Variants in CDHR5 observed in about 807,000 individuals in gnomAD.
CDHR5 encodes the protein cadherin-related family member 5.
CDHR5 carries 82 observed loss-of-function variants against 69.5 expected under a neutral mutation model. That is an observed-to-expected ratio of 1.18 (90% confidence interval 0.99 to 1.42). The LOEUF (loss-of-function observed/expected upper bound fraction) is 1.42. Ranked by LOEUF, CDHR5 falls within the 40% of genes most tolerant of loss-of-function variation. The pLI is 0.00. For synonymous variants in CDHR5, 601 were observed against 510.2 expected (o/e 1.18, Z -2.40); for missense variants, 1,293 against 1,168.9 (o/e 1.11, Z -1.55).
At position 621,015 on chromosome 11, in the gene CDHR5, G is replaced by A; in HGVS notation, c.789+65C>T. On this transcript the variant is annotated intron_variant, in intron 7 of 14. Coordinates refer to ENST00000397542, the MANE Select transcript of CDHR5 (RefSeq NM_021924.5). This position sits in a 1 kb window ranked among gnomAD's most constrained non-coding sequence, Gnocchi z 4.4. ...CCCCGCCCTTCCTCTCCTGATCCTG[G>A]CCGTCCCTGTGTCCAGCCTGCCTAG... The A allele has an allele frequency of 8.0e-7, 1 of 1,251,878 alleles. No individual in the cohort carries two copies. The highest frequency in any genetic ancestry group is 1.7e-5 in the South Asian group (1 of 58,912). 77.5% of individuals were successfully genotyped at this position (1,251,878 alleles called of 1,614,324 possible).
Position 624,780 on chromosome 11 carries a change from C to G in CDHR5, c.85+38G>C, listed in dbSNP as rs1341191768. 15 of 1,604,722 alleles carry G rather than the reference C, an allele frequency of 9.3e-6. No homozygotes were observed. Among genetic ancestry groups the G allele is most frequent in the Non-Finnish European group, 1.2e-5 (14 of 1,174,336 alleles). ...TCAGTGCCTCCCAGCCCCTGGCTCC[C>G]CGCCGCCCGTGCCCCACCTACCCCT... is the stretch of plus-strand genomic sequence containing the variant. On this transcript the variant is annotated intron_variant, in intron 1 of 14. Coordinates refer to ENST00000397542, the MANE Select transcript of CDHR5 (RefSeq NM_021924.5). The surrounding 1 kb of genome is among the most constrained non-coding windows in gnomAD (Gnocchi z 5.3).
rs780540410 is a variant in CDHR5, at chr11:619,726, G to A, written c.1134C>T (p.Ala378=). The change falls in exon 10 of 15, where the codon GCC becomes GCT. Residue 378 remains alanine, a synonymous_variant. Coordinates refer to ENST00000397542, the MANE Select transcript of CDHR5 (RefSeq NM_021924.5). ...CCTGGATCCTCAGAGGCTGAGAAGG[G>A]GCAGCTGCATCCTTGACCACAACGC... The part of the protein sequence containing the change: ...GAGVVVKDAA[A]PSQPLRIQAQ... 1.2e-6 allele frequency: 2 copies of A among 1,612,896 alleles called. No homozygotes were observed. Among genetic ancestry groups the A allele is most frequent in the Non-Finnish European group, 1.7e-6 (2 of 1,179,980 alleles).
rs774514426 is a variant in CDHR5 at position 621,920 on chromosome 11, G to A, written c.313-16C>T. ...GCTGGGTCACCTGCAGGATGTGGCC[G>A]TCAGCCTCTCCCACAGCCCCTCCCC... On this transcript the variant is annotated splice_polypyrimidine_tract_variant and intron_variant, in intron 3 of 14. Transcript: ENST00000397542. The surrounding 1 kb of genome is among the most constrained non-coding windows in gnomAD (Gnocchi z 4.4). 7 of 1,600,550 alleles carry A rather than the reference G, an allele frequency of 4.4e-6. No homozygotes were observed. In the Admixed American group the frequency reaches 5.0e-5, roughly 12 times the overall value.
rs1198415550 is a variant in CDHR5, at chr11:619,813, C to T, written c.1047G>A (p.Gly349=). 1 of 1,584,650 alleles carries T rather than the reference C, an allele frequency of 6.3e-7. No individual in the cohort carries two copies. The highest frequency in any genetic ancestry group is 8.6e-7 in the Non-Finnish European group (1 of 1,169,040). The change falls in exon 10 of 15, where the codon GGG becomes GGA. Residue 349 remains glycine (G), a synonymous_variant. Coordinates refer to ENST00000397542, the MANE Select transcript of CDHR5 (RefSeq NM_021924.5). ...QVTVEAVAAA[G]SPPRFPQRLY... is the part of the protein sequence containing the mutation. The stretch of plus-strand genomic sequence containing the variant: ...GTCTCTGGGGGAAGCGGGGCGGGCT[C>T]CCGGCCGCAGCCACAGCCTCCACGG...
At chr11:619,442 C>T (rs770687042) in intron 11 of CDHR5, 32 bp downstream of exon 11, 1 of 1,606,732 alleles carries the variant, frequency 6.2e-7, no homozygotes, top group Non-Finnish European at 8.5e-7. Flanking sequence ...AGCCCCACAC[C>T]CTTGGAGATG....
chr11:619,601 C>A lies in CDHR5; in HGVS notation c.1180-14G>T. 1 of 1,610,944 alleles carries A rather than the reference C, an allele frequency of 6.2e-7. No individual in the cohort carries two copies. Among genetic ancestry groups the A allele is most frequent in the South Asian group, 1.1e-5 (1 of 91,026 alleles). The stretch of plus-strand genomic sequence containing the variant: ...CGAGTTGAGGTCCTGGACAGGGTCT[C>A]ATTGAGTCCCCGGCCAGGCTGCCTC... On this transcript the variant is annotated splice_polypyrimidine_tract_variant and intron_variant, in intron 10 of 14. Transcript: ENST00000397542.
chr11:620,492 C>T, intron 7 of CDHR5, 106 bp from the exon 8 acceptor site: 1 of 743,194 alleles, frequency 1.3e-6, no homozygotes, highest in Non-Finnish European at 2.2e-6. Context: ...AGGAGGGGCC[C>T]AGTCCCGCTG....
At position 618,475 on chromosome 11, in the gene CDHR5, A is replaced by G. The variant is rs1002928989; in HGVS notation, c.1960+124T>C. ...GGCCTGTCTGTGTCTGTCAGTCCCA[A>G]ACAGACTCCTCTTTGGGATTTCATG... On this transcript the variant is annotated intron_variant, in intron 13 of 14. Transcript: ENST00000397542. 11 of 1,203,572 alleles carry G rather than the reference A, an allele frequency of 9.1e-6. No homozygotes were observed. In the African/African-American group the frequency reaches 1.1e-4, roughly 12 times the overall value. The allele number at this position is 1,203,572 out of a possible 1,614,324, so 74.6% of individuals were successfully genotyped here. A position where few individuals can be genotyped will look rare whatever the true frequency, so the allele number is the denominator to read the frequency against.
chr11:622,117 C>T (rs908827736), intron 3 of CDHR5, among the ~76,000 whole-genome samples: 2 of 151,848 alleles, frequency 1.3e-5, no homozygotes, highest in Non-Finnish European at 2.9e-5. Context: ...GAGTGAGGTG[C>T]ACCCCTCAAC....
rs762977239 is a variant in CDHR5, at chr11:619,318, G to A, written c.1366C>T (p.Pro456Ser). 4 of 1,610,590 alleles carry A rather than the reference G, an allele frequency of 2.5e-6. No individual in the cohort carries two copies. The African/African-American group carries it at 4.0e-5, about 16-fold the overall frequency. Reference protein sequence around the residue: ...VIEIQVSEQEPPSTDVPPSPE... With the variant: ...VIEIQVSEQESPSTDVPPSPE... ...GAGGGGGGCTTACCTGTGGAGGGGG[G>A]CTCCTGTTCGGAAACTTGTATCTCA... Residue 456 changes from proline to serine, a missense_variant, in exon 12 of 15, where the codon CCC (proline) becomes TCC (serine). Transcript: ENST00000397542.
Position 619,864 on chromosome 11 carries a change from A to C in CDHR5, c.996T>G (p.Leu332=). The C allele has an allele frequency of 6.4e-7, 1 of 1,550,868 alleles. No homozygotes were observed. Among genetic ancestry groups the C allele is most frequent in the Non-Finnish European group, 8.7e-7 (1 of 1,151,790 alleles). Residue 332 remains leucine, a synonymous_variant, in exon 10 of 15, where the codon CTT becomes CTG. Transcript: ENST00000397542. ...LLLVKGQQAD[L]ARYSVTQVTV... ...TGACCTGGGTCACTGAGTAGCGGGCAAGGTCGGCCTGTTGGCCCTGGAGGC... is the reference window on the plus strand; with the variant it reads ...TGACCTGGGTCACTGAGTAGCGGGCCAGGTCGGCCTGTTGGCCCTGGAGGC...
intron 13 of CDHR5, among the ~76,000 whole-genome samples, 153 bp downstream of exon 13, chr11:618,446 C>T (rs1589933923): frequency 1.3e-5 from 2 of 152,244 alleles, no homozygotes; most frequent in African/African-American, 2.4e-5. Context: ...CACTGGGGGC[C>T]TTGGGCCTGT....
rs776733059 is a variant in CDHR5, at chr11:620,093, G to A, written c.952C>T (p.Pro318Ser). Residue 318 changes from proline (P) to serine (S), a missense_variant, in exon 9 of 15, where the codon CCC (proline) becomes TCC (serine). Transcript: ENST00000397542. ...NLTVARSVPS[P>S]MTFLLLVKGQ... ...TTCACCAGCAGAAGGAAGGTCATGG[G>A]GCTGGGGACACTCCTGGCCACGGTG... 5.6e-6 allele frequency: 9 copies of A among 1,613,294 alleles called. No individual in the cohort carries two copies. The highest frequency in any genetic ancestry group is 4.5e-5 in the East Asian group (2 of 44,854).
chr11:620,604 A>C (rs751684790), intron 7 of CDHR5, among the ~76,000 whole-genome samples: 1 of 152,174 alleles, frequency 6.6e-6, no homozygotes, highest in African/African-American at 2.4e-5. Flanking sequence ...CCAGTGGCCC[A>C]AAGATACTGA....
chr11:618,009 A>T lies in CDHR5; in HGVS notation c.2063T>A (p.Val688Asp), dbSNP rs780034304. Residue 688 changes from valine (V) to aspartate (D), a missense_variant, in exon 14 of 15, where the codon GTC (valine) becomes GAC (aspartate). Coordinates refer to ENST00000397542, the MANE Select transcript of CDHR5 (RefSeq NM_021924.5). ...GGGGCCATAGTGCTTGTGGACAAGGACGGCGAGGCCAAGGAGAGCCAGCAG... is the reference window on the plus strand; with the variant it reads ...GGGGCCATAGTGCTTGTGGACAAGGTCGGCGAGGCCAAGGAGAGCCAGCAG... ...LLLLALLGLA[V>D]LVHKHYGPRL... 4 of 1,612,256 alleles carry T rather than the reference A, an allele frequency of 2.5e-6. No homozygotes were observed. The South Asian group carries it at 4.4e-5, about 18-fold the overall frequency.
At position 617,774 on chromosome 11, in the gene CDHR5, C is replaced by T. The variant is rs1341719631; in HGVS notation, c.2119-4G>A. The stretch of plus-strand genomic sequence containing the variant: ...CAAAGCCTTGGGGCTGGGGCTCCTG[C>T]AGGCGGGAGTCGAGGCGTCAGCGGG... On this transcript the variant is annotated splice_region_variant and splice_polypyrimidine_tract_variant and intron_variant, in intron 14 of 14. Transcript: ENST00000397542. 1.4e-6 allele frequency: 2 copies of T among 1,450,808 alleles called. No individual in the cohort carries two copies. Among genetic ancestry groups the T allele is most frequent in the Non-Finnish European group, 1.8e-6 (2 of 1,108,366 alleles). 89.9% of individuals were successfully genotyped at this position (1,450,808 alleles called of 1,614,324 possible).
rs763540381 is a variant in CDHR5, at chr11:619,480, G to A, written c.1287C>T (p.Tyr429=). ...TTTLAQAGAF[Y]AEVEAHNTVT... is the part of the protein sequence containing the mutation. ...CGCCTGCCCTGCCCCGCACCTCTGC[G>A]TAGAAGGCTCCCGCCTGTGCCAGTG... The change falls in exon 11 of 15, where the codon TAC becomes TAT. Residue 429 remains tyrosine (Y), a synonymous_variant. Coordinates refer to ENST00000397542, the MANE Select transcript of CDHR5 (RefSeq NM_021924.5). The A allele has an allele frequency of 3.7e-6, 6 of 1,612,408 alleles. No individual in the cohort carries two copies. The highest frequency in any genetic ancestry group is 1.3e-5 in the African/African-American group (1 of 74,866).
Position 616,936 on chromosome 11 carries a change from A to C in CDHR5, c.*415T>G. 6 of 202,864 alleles carry C rather than the reference A, an allele frequency of 3.0e-5. No homozygotes were observed. The highest frequency in any genetic ancestry group is 2.6e-4 in the East Asian group (2 of 7,732). The allele number at this position is 202,864 out of a possible 1,614,324, so 12.6% of individuals were successfully genotyped here. A position where few individuals can be genotyped will look rare whatever the true frequency, so the allele number is the denominator to read the frequency against. On this transcript the variant is annotated 3_prime_UTR_variant, in exon 15 of 15. Coordinates refer to ENST00000397542, the MANE Select transcript of CDHR5 (RefSeq NM_021924.5). ...ATCGGCTCCTCAGCCTCCCCAGGCA[A>C]TCTCTGTGTAGGGTCGGGAGCGGGA...
At chr11:618,489 T>C in intron 13 of CDHR5, 110 bp downstream of exon 13, 2 of 1,304,304 alleles carry the variant, frequency 1.5e-6, no homozygotes, top group Middle Eastern at 2.7e-4. Context: ...GACTCCTCTT[T>C]GGGATTTCAT....
Sources: allele counts gnomAD v4.1 joint callset (sites outside exome capture counted in the v4.1 genomes callset), GRCh38; gene constraint gnomAD v4.1.1; non-coding constraint Gnocchi (gnomAD v3.1); transcripts MANE v1.5; gene names NCBI Gene and HGNC (gene_info 2026-07-23, HGNC 2026-07-21).